The following NPAS3 variants were observed in gnomAD, a reference collection of about 807,000 sequenced individuals.
NPAS3 encodes the protein neuronal PAS domain-containing protein 3.
Under a neutral mutation model 73.1 loss-of-function variants are expected in NPAS3, and 14 were observed. The ratio of observed to expected loss-of-function variants is 0.19; its 90% CI spans 0.13 to 0.30. The LOEUF (loss-of-function observed/expected upper bound fraction) is 0.30, where lower values mean the gene tolerates loss of function less well. NPAS3 is among the 10% of genes least tolerant of loss of function. The pLI is 1.00. For synonymous variants in NPAS3, 620 were observed against 541.5 expected, an observed-to-expected ratio of 1.14 and a Z score of -2.01; for missense variants, 1,096 against 1,250.0, an observed-to-expected ratio of 0.88 and a Z score of 1.86.
intron 5 of NPAS3, among the ~76,000 whole-genome samples, chr14:33,673,116 C>G (rs1489824128): frequency 6.6e-6 from 1 of 152,226 alleles, no homozygotes; most frequent in Non-Finnish European, 1.5e-5. Context: ...AGGGGATTGG[C>G]AGGCTGCCTG....
At chr14:33,165,329 C>A (rs1433039101) in intron 2 of NPAS3, among the ~76,000 whole-genome samples, 1 of 151,282 alleles carries the variant, frequency 6.6e-6, no homozygotes, top group African/African-American at 2.4e-5. Flanking sequence ...ATTGCATAAT[C>A]TAGTAGGCTA....
intron 4 of NPAS3, among the ~76,000 whole-genome samples, chr14:33,430,268 C>T (rs772602839): frequency 6.6e-5 from 10 of 152,202 alleles, no homozygotes; most frequent in East Asian, 1.9e-4. Context: ...TCTTTTCCTC[C>T]GCCTTCCCTT....
chr14:33,491,936 G>A (rs1487639283), intron 4 of NPAS3, among the ~76,000 whole-genome samples: 7 of 152,160 alleles, frequency 4.6e-5, no homozygotes, highest in South Asian at 4.2e-4. Flanking sequence ...ATTGTTGACC[G>A]AATTCTTTTT....
intron 1 of NPAS3, among the ~76,000 whole-genome samples, chr14:32,997,262 C>T (rs2038616905): frequency 6.6e-6 from 1 of 152,202 alleles, no homozygotes. Context: ...TTTGATTTTA[C>T]AGGCTTGTAG....
At chr14:33,211,443 A>G (rs1040759137) in intron 2 of NPAS3, among the ~76,000 whole-genome samples, 1 of 152,162 alleles carries the variant, frequency 6.6e-6, no homozygotes, top group Non-Finnish European at 1.5e-5. Flanking sequence ...AGTCCCAGCT[A>G]GTTGGGAGAC....
At chr14:32,938,486 T>G (rs7148873), upstream of NPAS3, among the ~76,000 whole-genome samples, 4 of 55,906 alleles carry the variant, frequency 7.2e-5, no homozygotes, top group Admixed American at 1.9e-4. Flanking sequence ...AGAGAGAAAT[T>G]GAGAGAGAGA....
At chr14:33,465,629 C>T (rs763889644) in intron 4 of NPAS3, among the ~76,000 whole-genome samples, 12 of 152,124 alleles carry the variant, frequency 7.9e-5, no homozygotes, top group Non-Finnish European at 1.8e-4. Context: ...AGAAAAGCTA[C>T]ATGTGACCAA....
Position 33,290,331 on chromosome 14 carries a change from A to G in NPAS3, c.385+74905A>G, listed in dbSNP as rs2042049221. Among the ~76,000 whole-genome samples the G allele has an allele frequency of 2.0e-5, 3 of 152,214 alleles. No individual in the cohort carries two copies. In the South Asian group the frequency reaches 6.2e-4, roughly 32 times the overall value. On this transcript the variant is annotated intron_variant, in intron 3 of 11. Coordinates refer to ENST00000356141, the Ensembl canonical transcript of NPAS3. ...TCTGGAATGGAAGTGGAGAGGAAAT[A>G]TCCCAAACAGGGGTTATTACCCCTA...
chr14:33,608,393 T>G (rs1348792760), intron 5 of NPAS3: 2 of 152,148 alleles, frequency 1.3e-5, no homozygotes, highest in Non-Finnish European at 2.9e-5. Flanking sequence ...TTTTATAGAG[T>G]ATGCAGATGT....
chr14:33,052,061 G>A (rs1199083721), intron 1 of NPAS3, among the ~76,000 whole-genome samples: 1 of 152,062 alleles, frequency 6.6e-6, no homozygotes, highest in Non-Finnish European at 1.5e-5. Context: ...GCCTGGCCAT[G>A]AATTACATTT....
At chr14:33,576,805 G>A (rs566400817) in intron 5 of NPAS3, among the ~76,000 whole-genome samples, 8 of 152,186 alleles carry the variant, frequency 5.3e-5, no homozygotes, top group African/African-American at 1.7e-4. Context: ...ACCCAGTCCC[G>A]AGTATCTTTC....
intron 6 of NPAS3, among the ~76,000 whole-genome samples, chr14:33,689,011 G>C (rs1009361677): frequency 5.9e-5 from 9 of 152,320 alleles, no homozygotes; most frequent in Non-Finnish European, 1.5e-5. Flanking sequence ...CCTAATAATT[G>C]AGAGTTACTG....
chr14:33,258,039 A>G (rs1003439765), intron 3 of NPAS3, among the ~76,000 whole-genome samples: 2 of 152,230 alleles, frequency 1.3e-5, no homozygotes, highest in African/African-American at 4.8e-5. Flanking sequence ...AGAGTAGCAC[A>G]GCAAAGTAAT....
Position 33,351,354 on chromosome 14 carries a change from A to C in NPAS3, c.386-15832A>C, listed in dbSNP as rs373111903. Among the ~76,000 whole-genome samples, 16 of 152,332 alleles carry C rather than the reference A, an allele frequency of 1.1e-4. No homozygotes were observed. In the South Asian group the frequency reaches 1.2e-3, roughly 12 times the overall value. Reference sequence around the variant, plus strand: ...GGGGAACAGAGGGGTAAAATGCTGCAGTCTGTTTGGTTTCTTCTACTCTGT... The same window carrying C: ...GGGGAACAGAGGGGTAAAATGCTGCCGTCTGTTTGGTTTCTTCTACTCTGT... On this transcript the variant is annotated intron_variant, in intron 3 of 11. Transcript: ENST00000356141.
At chr14:33,403,723 A>G (rs1452489934) in intron 4 of NPAS3, among the ~76,000 whole-genome samples, 1 of 152,036 alleles carries the variant, frequency 6.6e-6, no homozygotes, top group Non-Finnish European at 1.5e-5. Flanking sequence ...CTCCCCCAGT[A>G]TTAACTGCAG....
At chr14:33,049,049 A>G (rs2040612021) in intron 1 of NPAS3, among the ~76,000 whole-genome samples, 1 of 152,192 alleles carries the variant, frequency 6.6e-6, no homozygotes, top group South Asian at 2.1e-4. Context: ...AGCTTTCTAT[A>G]TCTACTGAAG....
At chr14:33,494,211 A>T (rs866140223) in intron 4 of NPAS3, among the ~76,000 whole-genome samples, 2 of 152,134 alleles carry the variant, frequency 1.3e-5, no homozygotes, top group Non-Finnish European at 2.9e-5. Flanking sequence ...TCAGTTTCAC[A>T]TCAAGCACTA....
intron 5 of NPAS3, among the ~76,000 whole-genome samples, chr14:33,615,441 GA>G (rs1188981817): frequency 6.6e-6 from 1 of 152,144 alleles, no homozygotes; most frequent in Non-Finnish European, 1.5e-5. Flanking sequence ...AAGGCATTAA[GA>G]AGGAGTAAGC....
chr14:33,218,633 G>A (rs918207288), intron 3 of NPAS3, among the ~76,000 whole-genome samples: 1 of 152,116 alleles, frequency 6.6e-6, no homozygotes, highest in Non-Finnish European at 1.5e-5. Context: ...GCAATCTCTT[G>A]AATAAACCTA....
Sources: allele counts gnomAD v4.1 joint callset (sites outside exome capture counted in the v4.1 genomes callset), GRCh38; gene constraint gnomAD v4.1.1; transcripts MANE v1.5; gene names NCBI Gene and HGNC (gene_info 2026-07-23, HGNC 2026-07-21).